The following LEF1 variants were observed in gnomAD, a reference collection of about 807,000 sequenced individuals.
LEF1 encodes the protein lymphoid enhancer-binding factor 1.
Under a neutral mutation model 51.2 loss-of-function variants are expected in LEF1, and 14 were observed. The observed-to-expected ratio is 0.27, with a 90% CI of 0.18 to 0.43. LEF1 has a LOEUF of 0.43. Ranked by LOEUF, LEF1 falls within the 20% of genes least tolerant of loss-of-function variation. LEF1 has a pLI of 1.00. For synonymous variants in LEF1, 185 were observed against 183.2 expected, an observed-to-expected ratio of 1.01 and a Z score of -0.08; for missense variants, 386 against 512.0, an observed-to-expected ratio of 0.75 and a Z score of 2.37.
In LEF1 at chr4:108,167,663, T is replaced by C; in HGVS notation, c.105A>G (p.Glu35=). ...GATGACTGATCTCGGCGAAGATCTTTTCCTTCTGAGGATCGCCCTCGTCCT... is the reference window on the plus strand; with the variant it reads ...GATGACTGATCTCGGCGAAGATCTTCTCCTTCTGAGGATCGCCCTCGTCCT... ...PFKDEGDPQK[E]KIFAEISHPE... is the part of the protein sequence containing the mutation. The change falls in exon 1 of 12, where the codon GAA becomes GAG. Residue 35 remains glutamate (E), a synonymous_variant. Transcript: ENST00000265165. This position sits in a 1 kb window ranked among gnomAD's most constrained non-coding sequence, Gnocchi z 5.7. The C allele has an allele frequency of 6.2e-7, 1 of 1,614,232 alleles. No individual in the cohort carries two copies. Among genetic ancestry groups the C allele is most frequent in the Non-Finnish European group, 8.5e-7 (1 of 1,180,042 alleles).
chr4:108,087,562 A>G (rs975622260), intron 4 of LEF1, among the ~76,000 whole-genome samples: 6 of 152,366 alleles, frequency 3.9e-5, no homozygotes, highest in African/African-American at 9.6e-5. Flanking sequence ...CTATTAAAAA[A>G]TTGAACTGTC....
chr4:108,064,412 T>A, intron 9 of LEF1, 28 bp from the exon 10 acceptor site: 1 of 1,552,430 alleles, frequency 6.4e-7, no homozygotes, highest in East Asian at 2.3e-5. Context: ...TACTGTCATG[T>A]CACAGATTGT....
At chr4:108,068,619 A>C (rs975098743) in intron 9 of LEF1, among the ~76,000 whole-genome samples, 3 of 152,176 alleles carry the variant, frequency 2.0e-5, no homozygotes, top group Non-Finnish European at 4.4e-5. Context: ...TAACAGACAG[A>C]CTCTTACTTC....
chr4:108,091,703 T>C (rs1179323794), intron 3 of LEF1, among the ~76,000 whole-genome samples: 1 of 152,106 alleles, frequency 6.6e-6, no homozygotes, highest in East Asian at 1.9e-4. Context: ...GCTTTTCGAG[T>C]GTTAATGACA....
intron 9 of LEF1, 120 bp downstream of exon 9, chr4:108,070,543 A>G (rs929201659): frequency 3.4e-6 from 2 of 586,928 alleles, no homozygotes; most frequent in Non-Finnish European, 6.1e-6. Flanking sequence ...TACAAAGTTC[A>G]TTAACTTCCA....
At chr4:108,160,705 A>C (rs972428076) in intron 3 of LEF1, among the ~76,000 whole-genome samples, 4 of 152,228 alleles carry the variant, frequency 2.6e-5, no homozygotes, top group African/African-American at 9.7e-5. Flanking sequence ...TATATTGGTC[A>C]TAGGTAAAAT....
At chr4:108,080,238 G>A (rs1346365681) in intron 6 of LEF1, among the ~76,000 whole-genome samples, 8 of 152,058 alleles carry the variant, frequency 5.3e-5, no homozygotes, top group Non-Finnish European at 7.4e-5. Flanking sequence ...TCCCAAGTAC[G>A]CTTGAACAGC....
Position 108,047,561 on chromosome 4 carries a change from A to G in LEF1, c.*1197T>C, listed in dbSNP as rs1736698610. The G allele has an allele frequency of 6.6e-6, 1 of 152,272 alleles. No homozygotes were observed. 9.4% of individuals were successfully genotyped at this position (152,272 alleles called of 1,614,324 possible). The stretch of plus-strand genomic sequence containing the variant: ...CTCTTAATAAAATGACAATTTTTAA[A>G]AATGTTTTATTACAAAGCTTCTTTT... On this transcript the variant is annotated 3_prime_UTR_variant, in exon 12 of 12. Coordinates refer to ENST00000265165, the MANE Select transcript of LEF1 (RefSeq NM_016269.5).
chr4:108,132,082 T>C (rs1742933874), intron 3 of LEF1, among the ~76,000 whole-genome samples: 1 of 152,232 alleles, frequency 6.6e-6, no homozygotes, highest in South Asian at 2.1e-4. Context: ...ACTAGACTGA[T>C]GTGCCTACCC....
intron 3 of LEF1, among the ~76,000 whole-genome samples, chr4:108,126,929 T>A (rs1401174540): frequency 6.6e-6 from 1 of 151,916 alleles, no homozygotes; most frequent in Non-Finnish European, 1.5e-5. Flanking sequence ...ACAAACATGA[T>A]CTCTGTCCTT....
intron 3 of LEF1, among the ~76,000 whole-genome samples, chr4:108,131,404 AAT>A (rs1491230743): frequency 1.1e-4 from 16 of 151,996 alleles, no homozygotes; most frequent in Admixed American, 2.6e-4. Context: ...AAAAAAAAAA[AAT>A]GTTTTAAATA....
intron 3 of LEF1, among the ~76,000 whole-genome samples, chr4:108,091,521 T>C (rs1740024446): frequency 6.6e-6 from 1 of 152,130 alleles, no homozygotes; most frequent in Admixed American, 6.5e-5. Flanking sequence ...AGATTTTCCC[T>C]ATTTTATAAT....
chr4:108,151,008 G>A (rs1264211784), intron 3 of LEF1, among the ~76,000 whole-genome samples: 7 of 152,178 alleles, frequency 4.6e-5, no homozygotes, highest in Non-Finnish European at 8.8e-5. Context: ...ATCAAATAAA[G>A]TATGGACCAA....
intron 11 of LEF1, among the ~76,000 whole-genome samples, chr4:108,052,034 T>C (rs1025522511): frequency 6.6e-6 from 1 of 152,148 alleles, no homozygotes; most frequent in African/African-American, 2.4e-5. Context: ...GGCCAGCTCA[T>C]GTCCTGGGGG....
intron 3 of LEF1, among the ~76,000 whole-genome samples, chr4:108,126,908 G>T (rs1038058455): frequency 1.3e-5 from 2 of 151,152 alleles, no homozygotes; most frequent in African/African-American, 4.9e-5. Flanking sequence ...TCTATTTTAG[G>T]GGCTAGTCAT....
At chr4:108,067,945 G>A (rs751313525) in intron 9 of LEF1, among the ~76,000 whole-genome samples, 5 of 152,088 alleles carry the variant, frequency 3.3e-5, no homozygotes, top group Non-Finnish European at 5.9e-5. Context: ...CTGGCTCAGG[G>A]GTGAAAATTC....
chr4:108,163,709 G>A lies in LEF1; in HGVS notation c.281-8C>T, dbSNP rs766142360. 1.5e-5 allele frequency: 24 copies of A among 1,611,602 alleles called. No individual in the cohort carries two copies. Among genetic ancestry groups the A allele is most frequent in the Non-Finnish European group, 1.7e-6 (2 of 1,178,990 alleles). On this transcript the variant is annotated splice_region_variant and splice_polypyrimidine_tract_variant and intron_variant, in intron 2 of 11. Coordinates refer to ENST00000265165, the MANE Select transcript of LEF1 (RefSeq NM_016269.5). ...CTCCATCTGGATGCTTTCCTGGGAA[G>A]ATCCAAAGAACAATCAATGATGCAC...
In LEF1 at chr4:108,168,662, C is replaced by A. The variant is rs932290783; in HGVS notation, c.-895G>T. ...TCTGCCCGGAGCTCGAGCCGACACA[C>A]ACACTCAGTCCGACCCCTCTTTGTT... On this transcript the variant is annotated 5_prime_UTR_variant, in exon 1 of 12. Transcript: ENST00000265165. The surrounding 1 kb of genome is among the most constrained non-coding windows in gnomAD (Gnocchi z 4.6). The A allele has an allele frequency of 6.6e-6, 1 of 152,296 alleles. No homozygotes were observed. Among genetic ancestry groups the A allele is most frequent in the Non-Finnish European group, 1.5e-5 (1 of 68,120 alleles). The allele number at this position is 152,296 out of a possible 1,614,324, so 9.4% of individuals were successfully genotyped here.
chr4:108,078,142 T>C, intron 8 of LEF1, 78 bp downstream of exon 8: 1 of 1,317,362 alleles, frequency 7.6e-7, no homozygotes, highest in Non-Finnish European at 1.1e-6. Context: ...CCACCTGATA[T>C]GGGATTAAAT....
Sources: allele counts gnomAD v4.1 joint callset (sites outside exome capture counted in the v4.1 genomes callset), GRCh38; gene constraint gnomAD v4.1.1; non-coding constraint Gnocchi (gnomAD v3.1); transcripts MANE v1.5; gene names NCBI Gene and HGNC (gene_info 2026-07-23, HGNC 2026-07-21).